The following SLC8A1 variants were observed in gnomAD, a reference collection of about 807,000 sequenced individuals.
The protein encoded by SLC8A1 is solute carrier family 8 member A1.
Under a neutral mutation model 68.3 loss-of-function variants are expected in SLC8A1, and 18 were observed. That is an observed-to-expected ratio of 0.26 (90% confidence interval 0.18 to 0.39). The LOEUF (loss-of-function observed/expected upper bound fraction) is 0.39, where lower values mean the gene tolerates loss of function less well. Ranked by LOEUF, SLC8A1 falls within the 10% of genes least tolerant of loss-of-function variation. The pLI is 1.00. For synonymous variants in SLC8A1, 475 were observed against 415.5 expected, an observed-to-expected ratio of 1.14 and a Z score of -1.74; for missense variants, 985 against 1,156.7, an observed-to-expected ratio of 0.85 and a Z score of 2.15.
intron 2 of SLC8A1, among the ~76,000 whole-genome samples, chr2:40,192,193 T>C (rs1171872281): frequency 6.6e-6 from 1 of 152,124 alleles, no homozygotes; most frequent in Non-Finnish European, 1.5e-5. Context: ...CAAACTTAGA[T>C]TTCTTGATTC....
At chr2:40,430,354 G>A (rs1045867057) in intron 1 of SLC8A1, 50 bp from the exon 2 acceptor site, 20 of 1,496,424 alleles carry the variant, frequency 1.3e-5, no homozygotes, top group African/African-American at 1.3e-4. Flanking sequence ...CATGTCATTA[G>A]AGCTGCAGCC....
chr2:40,463,825 TAC>T (rs1364700620), intron 1 of SLC8A1, among the ~76,000 whole-genome samples: 25 of 108,328 alleles, frequency 2.3e-4, no homozygotes, highest in East Asian at 1.3e-3. Context: ...GATATATACA[TAC>T]ACACACACAC....
intron 2 of SLC8A1, among the ~76,000 whole-genome samples, chr2:40,301,654 C>G (rs186549949): frequency 1.3e-5 from 2 of 152,140 alleles, no homozygotes; most frequent in Admixed American, 6.5e-5. Flanking sequence ...CGGTGGCTTA[C>G]GCCTATAATC....
intron 4 of SLC8A1, among the ~76,000 whole-genome samples, chr2:40,165,577 G>T (rs183681706): frequency 4.4e-4 from 67 of 152,324 alleles, no homozygotes; most frequent in Non-Finnish European, 6.8e-4. Flanking sequence ...TTGGGCTCCA[G>T]TGCTGCTTCA....
At chr2:40,345,416 G>A (rs1247317680) in intron 2 of SLC8A1, among the ~76,000 whole-genome samples, 1 of 152,122 alleles carries the variant, frequency 6.6e-6, no homozygotes. Flanking sequence ...TAGGGAAGCA[G>A]TCAGAAGATT....
At chr2:40,263,094 C>T (rs1350592544) in intron 2 of SLC8A1, among the ~76,000 whole-genome samples, 1 of 152,188 alleles carries the variant, frequency 6.6e-6, no homozygotes, top group Non-Finnish European at 1.5e-5. Flanking sequence ...TTTTGAAAAA[C>T]CTACAGAGCA....
chr2:40,355,621 G>A (rs1222045879), intron 2 of SLC8A1, among the ~76,000 whole-genome samples: 3 of 152,076 alleles, frequency 2.0e-5, no homozygotes, highest in Non-Finnish European at 4.4e-5. Context: ...ACCACACACT[G>A]ACCCATCTAG....
chr2:40,494,617 A>C (rs747215282), intron 1 of SLC8A1, among the ~76,000 whole-genome samples: 3 of 144,200 alleles, frequency 2.1e-5, no homozygotes, highest in East Asian at 4.1e-4. Context: ...CGTTGTGTAC[A>C]TGTACCCTAG....
chr2:40,225,017 A>G (rs548054593), intron 2 of SLC8A1, among the ~76,000 whole-genome samples: 1 of 152,236 alleles, frequency 6.6e-6, no homozygotes, highest in East Asian at 1.9e-4. Flanking sequence ...TGGGCCTATC[A>G]TTTCTGGTTT....
At chr2:40,428,091 T>C (rs1175759876) in intron 2 of SLC8A1, among the ~76,000 whole-genome samples, 1 of 152,154 alleles carries the variant, frequency 6.6e-6, no homozygotes, top group Admixed American at 6.6e-5. Context: ...AGACCTATTG[T>C]GATGTTTTAA....
intron 1 of SLC8A1, among the ~76,000 whole-genome samples, chr2:40,451,200 A>T (rs1214912382): frequency 6.6e-6 from 1 of 152,140 alleles, no homozygotes; most frequent in Non-Finnish European, 1.5e-5. Context: ...AGAGGCAGAG[A>T]ATGCAGCTGC....
chr2:40,401,017 A>G (rs950012942), intron 2 of SLC8A1, among the ~76,000 whole-genome samples: 2 of 152,248 alleles, frequency 1.3e-5, no homozygotes, highest in Non-Finnish European at 2.9e-5. Context: ...TTGTATTTGC[A>G]TGGTGTTTTA....
intron 2 of SLC8A1, among the ~76,000 whole-genome samples, chr2:40,312,117 G>A (rs1242693755): frequency 2.0e-5 from 3 of 152,072 alleles, no homozygotes; most frequent in Admixed American, 6.6e-5. Flanking sequence ...TGACTACATT[G>A]TATTTGAAAC....
chr2:40,252,953 ATG>A (rs1459518720), intron 2 of SLC8A1, among the ~76,000 whole-genome samples: 7 of 96,558 alleles, frequency 7.2e-5, no homozygotes, highest in African/African-American at 1.7e-4. Flanking sequence ...ATATATACAT[ATG>A]TGTGTATATG....
intron 1 of SLC8A1, among the ~76,000 whole-genome samples, chr2:40,459,810 CAT>C (rs571874902): frequency 3.0e-4 from 46 of 152,232 alleles, no homozygotes; most frequent in African/African-American, 1.0e-3. Context: ...ATGGGTCCAT[CAT>C]ACCTCCTTTT....
chr2:40,218,727 GA>G (rs55920991), intron 2 of SLC8A1, among the ~76,000 whole-genome samples: 12,130 of 148,326 alleles, frequency 0.082, 665 homozygotes, highest in African/African-American at 0.15. Flanking sequence ...TCTTCTGGGG[GA>G]AAAAAAAAAA....
chr2:40,409,585 A>G (rs1691465299), intron 2 of SLC8A1, among the ~76,000 whole-genome samples: 1 of 152,188 alleles, frequency 6.6e-6, no homozygotes, highest in African/African-American at 2.4e-5. Context: ...CTTACAGCCC[A>G]AACTGCATCT....
In SLC8A1 at chr2:40,135,187, G is replaced by C. The variant is rs990032371; in HGVS notation, c.2437+4214C>G. ...GCAGGGGCCAAATCACATTGGTCTT[G>C]GTAAGACAGAGTGATGCTTTTCAGA... On this transcript the variant is annotated intron_variant, in intron 7 of 7. Coordinates refer to ENST00000406785, the Ensembl canonical transcript of SLC8A1. 3.3e-5 allele frequency among the ~76,000 whole-genome samples: 5 copies of C among 152,178 alleles called. No homozygotes were observed. In the South Asian group the frequency reaches 6.2e-4, roughly 19 times the overall value.
intron 2 of SLC8A1, among the ~76,000 whole-genome samples, chr2:40,372,135 A>G (rs1420520611): frequency 6.6e-6 from 1 of 152,170 alleles, no homozygotes; most frequent in African/African-American, 2.4e-5. Context: ...AGAAATATTT[A>G]TAATAATCAC....
Sources: gnomAD v4.1 joint callset for allele counts (sites outside exome capture counted in the v4.1 genomes callset) on GRCh38, gnomAD v4.1.1 for gene constraint, MANE v1.5 for transcripts, NCBI Gene and HGNC (gene_info 2026-07-23, HGNC 2026-07-21) for gene names.